Variants in BICD1 observed in about 807,000 individuals in gnomAD.
The protein encoded by BICD1 is BICD cargo adaptor 1.
A neutral mutation model predicts 92.5 loss-of-function variants in BICD1; 35 were observed. The ratio of observed to expected loss-of-function variants is 0.38; its 90% confidence interval spans 0.29 to 0.50. The LOEUF is 0.50. Among genes scored for constraint, BICD1 ranks in the 20% least tolerant of loss-of-function variants. The probability of loss-of-function intolerance (pLI) is 0.93; values close to 1 mark genes in which losing one functional copy is unlikely to be tolerated. For missense variants in BICD1, 950 were observed against 1,189.8 expected, an observed-to-expected ratio of 0.80 and a Z score of 2.97; for synonymous variants, 429 against 465.1, an observed-to-expected ratio of 0.92 and a Z score of 1.00.
intron 2 of BICD1, among the ~76,000 whole-genome samples, chr12:32,225,488 T>C (rs1358728220): frequency 6.6e-6 from 1 of 152,180 alleles, no homozygotes; most frequent in African/African-American, 2.4e-5. Flanking sequence ...GTGGGGATAC[T>C]AGGTCATATG....
At chr12:32,338,638 TAAAA>T in intron 7 of BICD1, 144 bp from the exon 8 acceptor site, 2 of 579,080 alleles carry the variant, frequency 3.5e-6, no homozygotes, top group Non-Finnish European at 5.5e-6. Context: ...ATGTGGAAAC[TAAAA>T]AAAAAAAAAG....
At chr12:32,127,814 T>C (rs1158673757) in intron 1 of BICD1, among the ~76,000 whole-genome samples, 2 of 152,180 alleles carry the variant, frequency 1.3e-5, no homozygotes, top group Non-Finnish European at 1.5e-5. Flanking sequence ...ACTTTGCACA[T>C]GTTTTTATAA....
Position 32,152,675 on chromosome 12 carries a change from A to C in BICD1, c.213+45131A>C, listed in dbSNP as rs561251246. Among the ~76,000 whole-genome samples the C allele has an allele frequency of 5.9e-5, 9 of 152,366 alleles. No individual in the cohort carries two copies. In the East Asian group the frequency reaches 1.7e-3, roughly 29 times the overall value. On this transcript the variant is annotated intron_variant, in intron 1 of 9. Coordinates refer to ENST00000652176, the MANE Select transcript of BICD1 (RefSeq NM_001714.4). ...ACTTGGCTGCTGAGGCCCAACCCTC[A>C]AAACATAGAGATTTGAGCAACATTA...
chr12:32,298,166 G>A (rs1423596808), intron 3 of BICD1, among the ~76,000 whole-genome samples: 1 of 146,826 alleles, frequency 6.8e-6, no homozygotes, highest in African/African-American at 2.5e-5. Context: ...CTGAGCGATA[G>A]AGTGAGACCC....
chr12:32,201,828 C>T (rs922446522), intron 1 of BICD1, among the ~76,000 whole-genome samples: 2 of 150,980 alleles, frequency 1.3e-5, no homozygotes, highest in South Asian at 2.1e-4. Flanking sequence ...GAATTTATTT[C>T]GGGTTATAAT....
At position 32,121,193 on chromosome 12, in the gene BICD1, C is replaced by G. The variant is rs1025747050; in HGVS notation, c.213+13649C>G. 8.1e-5 allele frequency among the ~76,000 whole-genome samples: 12 copies of G among 148,660 alleles called. No individual in the cohort carries two copies. The Admixed American group carries it at 8.1e-4, about 10-fold the overall frequency. ...CCATGTTGGCCAGCCTGGTCTTGAA[C>G]CTCTGACCTCATGATCCACCTGTCT... On this transcript the variant is annotated intron_variant, in intron 1 of 9. Transcript: ENST00000652176.
intron 1 of BICD1, among the ~76,000 whole-genome samples, chr12:32,116,464 C>CTG (rs1183296987): frequency 0.032 from 2,032 of 64,240 alleles, 23 homozygotes; most frequent in Middle Eastern, 0.098. Flanking sequence ...GTCTGTCTGT[C>CTG]TCTCTCTCTC....
chr12:32,315,992 C>T (rs1489901775), intron 4 of BICD1, among the ~76,000 whole-genome samples: 2 of 151,550 alleles, frequency 1.3e-5, no homozygotes, highest in African/African-American at 2.4e-5. Context: ...AAAAATTAGC[C>T]GAGTGTGGTG....
In BICD1 at chr12:32,334,635, C is replaced by T. The variant is rs1000789670; in HGVS notation, c.2220C>T (p.Thr740=). ...AGGCTTTGAAAGAAGATGCTGCAACCTTCTCATCCCTGAGAGCAATGTTTG... is the reference window on the plus strand; with the variant it reads ...AGGCTTTGAAAGAAGATGCTGCAACTTTCTCATCCCTGAGAGCAATGTTTG... ...ELKALKEDAA[T]FSSLRAMFAT... Residue 740 remains threonine, a synonymous_variant, in exon 6 of 10, where the codon ACC becomes ACT. Coordinates refer to ENST00000652176, the MANE Select transcript of BICD1 (RefSeq NM_001714.4). 2 of 1,612,640 alleles carry T rather than the reference C, an allele frequency of 1.2e-6. No individual in the cohort carries two copies. The highest frequency in any genetic ancestry group is 1.7e-5 in the Admixed American group (1 of 59,858).
At chr12:32,280,663 C>G (rs1327974728) in intron 2 of BICD1, among the ~76,000 whole-genome samples, 5 of 152,184 alleles carry the variant, frequency 3.3e-5, no homozygotes, top group African/African-American at 1.2e-4. Context: ...CCATTGCTTT[C>G]AGCTCTAAAT....
intron 8 of BICD1, chr12:32,367,468 A>T: frequency 2.1e-6 from 1 of 481,560 alleles, no homozygotes; most frequent in Non-Finnish European, 3.6e-6. Context: ...CTAATTTTTT[A>T]ATACTGTATT....
rs1941502254 is a variant in BICD1 at position 32,107,191 on chromosome 12, G to C, written c.-141G>C. Reference sequence around the variant, plus strand: ...TGCCGCTGCCACCAGAGCCGGCGGGGCATCGCGCTGCTCATTCATCCGGCC... The same window carrying C: ...TGCCGCTGCCACCAGAGCCGGCGGGCCATCGCGCTGCTCATTCATCCGGCC... On this transcript the variant is annotated 5_prime_UTR_variant, in exon 1 of 10. Coordinates refer to ENST00000652176, the MANE Select transcript of BICD1 (RefSeq NM_001714.4). 5.1e-6 allele frequency: 4 copies of C among 781,756 alleles called. No individual in the cohort carries two copies. The Admixed American group carries it at 1.1e-4, about 22-fold the overall frequency. 48.4% of individuals were successfully genotyped at this position (781,756 alleles called of 1,614,324 possible).
intron 9 of BICD1, 73 bp from the exon 10 acceptor site, chr12:32,377,467 C>A: frequency 1.7e-6 from 2 of 1,177,270 alleles, no homozygotes; most frequent in South Asian, 1.2e-5. Flanking sequence ...AAAAATATCT[C>A]GTCTAACCCC....
chr12:32,143,455 ATT>A (rs68188131), intron 1 of BICD1, among the ~76,000 whole-genome samples: 1 of 148,776 alleles, frequency 6.7e-6, no homozygotes, highest in Non-Finnish European at 1.5e-5. Context: ...TTCATTTAAC[ATT>A]TTTTTTTGTG....
intron 1 of BICD1, among the ~76,000 whole-genome samples, chr12:32,199,600 T>G (rs1285345664): frequency 6.6e-6 from 1 of 152,246 alleles, no homozygotes; most frequent in Non-Finnish European, 1.5e-5. Flanking sequence ...CTAAGCTATA[T>G]GTCTACGTGT....
In BICD1 at chr12:32,381,574, G is replaced by A. The variant is rs998842231; in HGVS notation, c.*3947G>A. ...AAATGGAGATCACAAAACATGAAAA[G>A]GAAGAAATGAAATATCTTTTCTTCT... On this transcript the variant is annotated 3_prime_UTR_variant, in exon 10 of 10. Coordinates refer to ENST00000652176, the MANE Select transcript of BICD1 (RefSeq NM_001714.4). 1 of 152,004 alleles carries A rather than the reference G, an allele frequency of 6.6e-6. No individual in the cohort carries two copies. Among genetic ancestry groups the A allele is most frequent in the Non-Finnish European group, 1.5e-5 (1 of 67,950 alleles). 9.4% of individuals were successfully genotyped at this position (152,004 alleles called of 1,614,324 possible).
intron 1 of BICD1, among the ~76,000 whole-genome samples, chr12:32,209,981 G>T (rs749524085): frequency 2.6e-5 from 4 of 152,130 alleles, no homozygotes; most frequent in Non-Finnish European, 4.4e-5. Context: ...GGGCATATTG[G>T]CAACACAGAT....
At chr12:32,374,149 G>A (rs1939841254) in intron 9 of BICD1, among the ~76,000 whole-genome samples, 1 of 151,674 alleles carries the variant, frequency 6.6e-6, no homozygotes, top group African/African-American at 2.4e-5. Flanking sequence ...GGGAGGCAGA[G>A]GTTGCAGTGA....
chr12:32,300,905 C>A (rs1948026672), intron 3 of BICD1, among the ~76,000 whole-genome samples: 1 of 152,020 alleles, frequency 6.6e-6, no homozygotes, highest in Non-Finnish European at 1.5e-5. Flanking sequence ...CCCACCCCAG[C>A]CTCCCAAAGT....
Sources: gnomAD v4.1 joint callset for allele counts (sites outside exome capture counted in the v4.1 genomes callset) on GRCh38, gnomAD v4.1.1 for gene constraint, MANE v1.5 for transcripts, NCBI Gene and HGNC (gene_info 2026-07-23, HGNC 2026-07-21) for gene names.